The following GABRA2 variants were observed in gnomAD, a reference collection of about 807,000 sequenced individuals.
GABRA2 encodes the protein gamma-aminobutyric acid receptor subunit alpha-2.
A neutral mutation model predicts 48.7 loss-of-function variants in GABRA2; 16 were observed. The observed-to-expected ratio is 0.33, with a 90% CI of 0.22 to 0.50. GABRA2 has a LOEUF of 0.50. Among genes scored for constraint, GABRA2 ranks in the 20% least tolerant of loss-of-function variants. The probability of loss-of-function intolerance (pLI) is 0.98; values close to 1 mark genes in which losing one functional copy is unlikely to be tolerated. For synonymous variants in GABRA2, 185 were observed against 184.5 expected, an observed-to-expected ratio of 1.00 and a Z score of -0.02; for missense variants, 275 against 535.6, an observed-to-expected ratio of 0.51 and a Z score of 4.80.
chr4:46,325,213 T>G (rs1000312675), intron 4 of GABRA2, among the ~76,000 whole-genome samples: 2 of 152,048 alleles, frequency 1.3e-5, no homozygotes, highest in African/African-American at 4.8e-5. Flanking sequence ...ACCAGCAGTA[T>G]GTAAGCACTC....
In GABRA2 at chr4:46,247,296, C is replaced by T. The variant is rs1713893903; in HGVS notation, c.*3012G>A. Among the ~76,000 whole-genome samples the T allele has an allele frequency of 6.6e-6, 1 of 151,002 alleles. No individual in the cohort carries two copies. The highest frequency in any genetic ancestry group is 2.1e-4 in the South Asian group (1 of 4,804). On this transcript the variant is annotated 3_prime_UTR_variant, in exon 10 of 10. Coordinates refer to ENST00000381620, the MANE Select transcript of GABRA2 (RefSeq NM_000807.4). ...CAGGAGAAAAGAGAAAAACAGCCAC[C>T]TATCCTAGCACACTAGTGGCATCAT...
chr4:46,387,707 A>G (rs1259208620), intron 2 of GABRA2, among the ~76,000 whole-genome samples: 1 of 152,222 alleles, frequency 6.6e-6, no homozygotes, highest in African/African-American at 2.4e-5. Flanking sequence ...GCAAGGCTTT[A>G]TGAGATAGAT....
At chr4:46,337,900 A>T (rs1033157882) in intron 3 of GABRA2, among the ~76,000 whole-genome samples, 1 of 152,050 alleles carries the variant, frequency 6.6e-6, no homozygotes. Context: ...GCTTGTCAAA[A>T]AAGATTTTGA....
At chr4:46,294,420 C>T (rs1393608042) in intron 8 of GABRA2, among the ~76,000 whole-genome samples, 1 of 152,184 alleles carries the variant, frequency 6.6e-6, no homozygotes, top group Non-Finnish European at 1.5e-5. Context: ...GAAAGAGGCA[C>T]ATTGCTCAGT....
intron 1 of GABRA2, 105 bp downstream of exon 1, chr4:46,389,630 T>C: frequency 1.5e-6 from 1 of 674,780 alleles, no homozygotes; most frequent in Middle Eastern, 7.2e-4. Flanking sequence ...GCCTCCTCCG[T>C]TTCCAGGGAG....
At chr4:46,272,675 G>T (rs1328301636) in intron 8 of GABRA2, among the ~76,000 whole-genome samples, 1 of 151,864 alleles carries the variant, frequency 6.6e-6, no homozygotes, top group Non-Finnish European at 1.5e-5. Context: ...CCCAGAAAAG[G>T]AAAAATAATC....
At chr4:46,348,969 A>G (rs1578134734) in intron 3 of GABRA2, among the ~76,000 whole-genome samples, 2 of 151,992 alleles carry the variant, frequency 1.3e-5, no homozygotes, top group Admixed American at 6.6e-5. Flanking sequence ...AGCTATCCCA[A>G]TCTTCAGCAA....
At chr4:46,361,456 A>G (rs1215322536) in intron 3 of GABRA2, among the ~76,000 whole-genome samples, 1 of 152,192 alleles carries the variant, frequency 6.6e-6, no homozygotes, top group East Asian at 1.9e-4. Context: ...GAAGTTTGGG[A>G]ACCTCCGCCT....
At chr4:46,389,508 G>A (rs1223019562) in intron 1 of GABRA2, 1 of 617,056 alleles carries the variant, frequency 1.6e-6, no homozygotes, top group African/African-American at 2.0e-5. Context: ...CCAGGCTAAC[G>A]TGCTGCCGAG....
chr4:46,270,384 C>T (rs1017190459), intron 8 of GABRA2, among the ~76,000 whole-genome samples: 3 of 151,994 alleles, frequency 2.0e-5, no homozygotes, highest in Non-Finnish European at 4.4e-5. Context: ...GAGTACTGGA[C>T]ATTAAACAAA....
chr4:46,385,464 A>G (rs1717322430), intron 3 of GABRA2, among the ~76,000 whole-genome samples: 1 of 152,032 alleles, frequency 6.6e-6, no homozygotes, highest in Non-Finnish European at 1.5e-5. Context: ...TTTTCTGAAT[A>G]AAAAATGTTT....
intron 8 of GABRA2, among the ~76,000 whole-genome samples, chr4:46,289,514 C>T (rs1448141038): frequency 1.3e-5 from 2 of 152,044 alleles, no homozygotes; most frequent in Non-Finnish European, 2.9e-5. Context: ...CACATGGACA[C>T]ATAGGGAGGA....
chr4:46,369,903 C>T (rs1714622378), intron 3 of GABRA2, among the ~76,000 whole-genome samples: 3 of 151,912 alleles, frequency 2.0e-5, no homozygotes. Flanking sequence ...TAAGCTAAAA[C>T]CTAAAAATAG....
At chr4:46,303,352 C>T in intron 8 of GABRA2, 108 bp downstream of exon 8, 4 of 1,104,238 alleles carry the variant, frequency 3.6e-6, no homozygotes, top group South Asian at 1.3e-5. Flanking sequence ...ACAATACTCC[C>T]CGCCCCACCT....
intron 4 of GABRA2, among the ~76,000 whole-genome samples, chr4:46,331,766 C>T (rs1252189220): frequency 6.6e-6 from 1 of 152,102 alleles, no homozygotes; most frequent in Admixed American, 6.6e-5. Context: ...CAGGGTCTCA[C>T]TCTCATGCAG....
chr4:46,378,219 G>C (rs1459296922), intron 3 of GABRA2, among the ~76,000 whole-genome samples: 32 of 152,188 alleles, frequency 2.1e-4, no homozygotes, highest in African/African-American at 6.5e-4. Flanking sequence ...AATGGAAAGG[G>C]GGGAAGGGTG....
intron 1 of GABRA2, 153 bp from the exon 2 acceptor site, chr4:46,388,869 A>G: frequency 7.4e-7 from 1 of 1,355,456 alleles, no homozygotes; most frequent in Non-Finnish European, 9.5e-7. Flanking sequence ...TTGATGATTG[A>G]GAGACGATTT....
intron 3 of GABRA2, among the ~76,000 whole-genome samples, chr4:46,381,546 C>T (rs908317062): frequency 1.2e-4 from 18 of 152,118 alleles, no homozygotes; most frequent in African/African-American, 4.3e-4. Flanking sequence ...ACATAATATT[C>T]TCCTTGAAGA....
chr4:46,361,263 GCCTGGCCGAGGGT>G (rs989908639), intron 3 of GABRA2, among the ~76,000 whole-genome samples: 74 of 152,192 alleles, frequency 4.9e-4, no homozygotes, highest in African/African-American at 1.0e-3. Context: ...GGAAAAATGG[GCCTGGCCGAGGGT>G]CCCCCTGCTG....
Sources: allele counts gnomAD v4.1 joint callset (sites outside exome capture counted in the v4.1 genomes callset), GRCh38; gene constraint gnomAD v4.1.1; transcripts MANE v1.5; gene names NCBI Gene and HGNC (gene_info 2026-07-23, HGNC 2026-07-21).